Variants in MCAT observed in about 807,000 individuals in gnomAD.
MCAT encodes the protein malonyl-CoA-acyl carrier protein transacylase, mitochondrial.
A neutral mutation model predicts 22.9 loss-of-function variants in MCAT; 22 were observed. That is an observed-to-expected ratio of 0.96 (90% CI 0.69 to 1.37). The LOEUF (loss-of-function observed/expected upper bound fraction) is 1.37. MCAT is among the 40% of genes most tolerant of loss of function. MCAT has a pLI of 0.00. For missense variants in MCAT, 534 were observed against 533.6 expected, an observed-to-expected ratio of 1.00 and a Z score of -0.01; for synonymous variants, 240 against 233.9, an observed-to-expected ratio of 1.03 and a Z score of -0.24.
chr22:43,137,006 G>T, intron 3 of MCAT, 75 bp downstream of exon 3: 2 of 1,276,606 alleles, frequency 1.6e-6, no homozygotes, highest in East Asian at 2.3e-5. Context: ...CAGACTGCTA[G>T]GCCTCACGGG....
chr22:43,135,510 C>CAAAAAA (rs1300123609), intron 3 of MCAT, among the ~76,000 whole-genome samples: 5 of 76,344 alleles, frequency 6.5e-5, no homozygotes, highest in African/African-American at 1.1e-4. Context: ...TCTCAAAAAA[C>CAAAAAA]AAAAAAAAAA....
intron 3 of MCAT, among the ~76,000 whole-genome samples, chr22:43,135,728 C>G (rs1004673695): frequency 7.9e-5 from 12 of 152,106 alleles, no homozygotes; most frequent in Non-Finnish European, 1.6e-4. Flanking sequence ...CATCTCAGAA[C>G]AGTCATAAGA....
chr22:43,133,047 C>T lies in MCAT; in HGVS notation c.1169G>A (p.Arg390Lys), dbSNP rs1329847344. 6.2e-7 allele frequency: 1 copy of T among 1,613,102 alleles called. No homozygotes were observed. Among genetic ancestry groups the T allele is most frequent in the African/African-American group, 1.3e-5 (1 of 75,012 alleles). Reference protein sequence around the residue: ...HVDLDPQEPPR With the variant: ...HVDLDPQEPPK Reference sequence around the variant, plus strand: ...TCGCATTTGAGCCCCCTGCAGTCATCTCGGGGGCTCCTGAGGGTCCAGGTC... The same window carrying T: ...TCGCATTTGAGCCCCCTGCAGTCATTTCGGGGGCTCCTGAGGGTCCAGGTC... Residue 390 changes from arginine to lysine, a missense_variant, in exon 4 of 4, where the codon AGA becomes AAA. Coordinates refer to ENST00000290429, the MANE Select transcript of MCAT (RefSeq NM_173467.5).
intron 3 of MCAT, among the ~76,000 whole-genome samples, chr22:43,136,150 A>G (rs909667): frequency 0.85 from 129,650 of 152,218 alleles, 55,380 homozygotes; most frequent in East Asian, 0.95. Context: ...AGGCTAAGGT[A>G]GGAGGAACAC....
chr22:43,133,223 AT>A lies in MCAT; in HGVS notation c.992del (p.His331LeufsTer18). ...VSPVKWEQTM[H>X]AIYERKKGRG... ...TGCCCTTTTTCCTTTCGTATATGGCATGCATCGTCTGCTCCCACTTCACTGG... is the reference window on the plus strand; with the variant it reads ...TGCCCTTTTTCCTTTCGTATATGGCAGCATCGTCTGCTCCCACTTCACTGG... On this transcript the variant is annotated frameshift_variant, in exon 4 of 4. Coordinates refer to ENST00000290429, the MANE Select transcript of MCAT (RefSeq NM_173467.5). LOFTEE classifies it low-confidence loss of function (END_TRUNC). The A allele has an allele frequency of 6.2e-7, 1 of 1,614,212 alleles. No individual in the cohort carries two copies. The highest frequency in any genetic ancestry group is 1.1e-5 in the South Asian group (1 of 91,090).
intron 3 of MCAT, among the ~76,000 whole-genome samples, chr22:43,135,151 C>T (rs1199826421): frequency 1.3e-5 from 2 of 152,206 alleles, no homozygotes; most frequent in East Asian, 1.9e-4. Flanking sequence ...AAAGGGGCTT[C>T]CCCCCTGAGG....
Position 43,137,207 on chromosome 22 carries a change from C to G in MCAT, c.603G>C (p.Gln201His). 1 of 1,614,194 alleles carries G rather than the reference C, an allele frequency of 6.2e-7. No homozygotes were observed. Among genetic ancestry groups the G allele is most frequent in the Non-Finnish European group, 8.5e-7 (1 of 1,180,040 alleles). ...SGMLSVLGQP[Q>H]SKFNFACLEA... ...CCAAACAGGCGAAGTTGAACTTGGA[C>G]TGAGGCTGGCCGAGGACAGACAGCA... Residue 201 changes from glutamine to histidine, a missense_variant, in exon 3 of 4, where the codon CAG (glutamine) becomes CAC (histidine). Coordinates refer to ENST00000290429, the MANE Select transcript of MCAT (RefSeq NM_173467.5).
At chr22:43,141,095 G>T in intron 2 of MCAT, 67 bp downstream of exon 2, 1 of 1,301,224 alleles carries the variant, frequency 7.7e-7, no homozygotes, top group Non-Finnish European at 1.1e-6. Context: ...ATCATTTTTG[G>T]CAGTGTCCCT....
chr22:43,133,119 C>G lies in MCAT; in HGVS notation c.1097G>C (p.Trp366Ser), dbSNP rs763154859. Residue 366 changes from tryptophan (W) to serine (S), a missense_variant, in exon 4 of 4, where the codon TGG becomes TCG. By Grantham distance (177) the Trp-to-Ser change is radical. Coordinates refer to ENST00000290429, the MANE Select transcript of MCAT (RefSeq NM_173467.5). ...AILKSCNMQA[W>S]KSYSAVDVLQ... ...CACATCCACGGCGCTGTAGGACTTC[C>G]AGGCCTGCATGTTACAGCTCTTCAG... The G allele has an allele frequency of 3.2e-5, 52 of 1,614,098 alleles. No homozygotes were observed. Among genetic ancestry groups the G allele is most frequent in the Non-Finnish European group, 9.3e-6 (11 of 1,180,048 alleles).
chr22:43,141,390 A>G (rs910487015), intron 1 of MCAT, 141 bp from the exon 2 acceptor site: 28 of 684,864 alleles, frequency 4.1e-5, no homozygotes, highest in Non-Finnish European at 6.5e-5. Flanking sequence ...GGAAGAGGAC[A>G]CACAAAAGTG....
intron 1 of MCAT, among the ~76,000 whole-genome samples, chr22:43,141,569 A>G (rs1461353696): frequency 6.6e-6 from 1 of 150,790 alleles, no homozygotes. Flanking sequence ...ACAAGTTAAG[A>G]GCATGACTTT....
chr22:43,143,356 C>T lies in MCAT; in HGVS notation c.-8G>A. 7.4e-7 allele frequency: 1 copy of T among 1,359,100 alleles called. No homozygotes were observed. The highest frequency in any genetic ancestry group is 9.4e-7 in the Non-Finnish European group (1 of 1,062,026). 84.2% of individuals were successfully genotyped at this position (1,359,100 alleles called of 1,614,324 possible). On this transcript the variant is annotated 5_prime_UTR_variant, in exon 1 of 4. Coordinates refer to ENST00000290429, the MANE Select transcript of MCAT (RefSeq NM_173467.5). ...TGCGACCCGGACGCTCATGGTCGGA[C>T]ACCTGCCCGCGCGCGTTACCGTGGC... is the stretch of plus-strand genomic sequence containing the variant.
intron 1 of MCAT, among the ~76,000 whole-genome samples, chr22:43,141,751 T>C (rs1466081365): frequency 2.0e-5 from 3 of 152,190 alleles, no homozygotes; most frequent in African/African-American, 7.2e-5. Context: ...TTTGTATTTT[T>C]AGTAGAGACG....
At chr22:43,133,860 C>T (rs1930528787) in intron 3 of MCAT, among the ~76,000 whole-genome samples, 1 of 149,724 alleles carries the variant, frequency 6.7e-6, no homozygotes, top group Admixed American at 6.7e-5. Flanking sequence ...GGCTGGAGTG[C>T]AGTGGCACAA....
In MCAT at chr22:43,137,257, C is replaced by A. The variant is rs1326104789; in HGVS notation, c.553G>T (p.Ala185Ser). The A allele has an allele frequency of 1.9e-6, 3 of 1,614,200 alleles. No individual in the cohort carries two copies. The highest frequency in any genetic ancestry group is 2.5e-6 in the Non-Finnish European group (3 of 1,180,038). The part of the protein sequence containing the change: ...VKIRAEAMQE[A>S]SEAVPSGMLS... ...ATCCCACTGGGGACAGCTTCTGAAG[C>A]TTCCTGCATGGCCTCAGCTCGGATT... Residue 185 changes from alanine (A) to serine (S), a missense_variant, in exon 3 of 4, where the codon GCT (alanine) becomes TCT (serine). Physicochemically the swap from Ala to Ser is moderately conservative, Grantham distance 99 (BLOSUM62 1). Transcript: ENST00000290429.
intron 3 of MCAT, among the ~76,000 whole-genome samples, chr22:43,135,667 G>C (rs553310109): frequency 2.6e-5 from 4 of 152,152 alleles, no homozygotes; most frequent in Admixed American, 6.6e-5. Context: ...TAAAGGGAAC[G>C]CCTAACTAGC....
Position 43,133,422 on chromosome 22 carries a change from A to G in MCAT, c.794T>C (p.Val265Ala). The G allele has an allele frequency of 2.5e-6, 4 of 1,614,138 alleles. No individual in the cohort carries two copies. The highest frequency in any genetic ancestry group is 2.5e-6 in the Non-Finnish European group (3 of 1,180,016). Residue 265 changes from valine to alanine, a missense_variant, in exon 4 of 4, where the codon GTT (valine) becomes GCT (alanine). Coordinates refer to ENST00000290429, the MANE Select transcript of MCAT (RefSeq NM_173467.5). ...FHFRRTRMLP[V>A]SGAFHTRLME... Reference sequence around the variant, plus strand: ...GAGGCGGGTGTGGAATGCGCCACTAACCGGCAACATCCTGGTGCGTCTGAA... The same window carrying G: ...GAGGCGGGTGTGGAATGCGCCACTAGCCGGCAACATCCTGGTGCGTCTGAA...
intron 3 of MCAT, among the ~76,000 whole-genome samples, chr22:43,136,519 A>G (rs1023071556): frequency 1.6e-4 from 25 of 152,232 alleles, no homozygotes; most frequent in Non-Finnish European, 1.6e-4. Context: ...ATGAGTAGCC[A>G]GCCAGACCCT....
Position 43,133,126 on chromosome 22 carries a change from G to C in MCAT, c.1090C>G (p.Gln364Glu), listed in dbSNP as rs1197007799. The change falls in exon 4 of 4, where the codon CAG becomes GAG. Residue 364 changes from glutamine to glutamate, a missense_variant. Transcript: ENST00000290429. The part of the protein sequence containing the change: ...LGAILKSCNM[Q>E]AWKSYSAVDV... ...ACGGCGCTGTAGGACTTCCAGGCCT[G>C]CATGTTACAGCTCTTCAGGATGGCT... The C allele has an allele frequency of 1.9e-6, 3 of 1,614,098 alleles. No individual in the cohort carries two copies. Among genetic ancestry groups the C allele is most frequent in the South Asian group, 1.1e-5 (1 of 91,088 alleles).
Sources: gnomAD v4.1 joint callset for allele counts (sites outside exome capture counted in the v4.1 genomes callset) on GRCh38, gnomAD v4.1.1 for gene constraint, MANE v1.5 for transcripts, NCBI Gene and HGNC (gene_info 2026-07-23, HGNC 2026-07-21) for gene names.